The following MCUR1 variants were observed in gnomAD, a reference collection of about 807,000 sequenced individuals.
MCUR1 encodes MCU regulator 1.
Under a neutral mutation model 42.0 loss-of-function variants are expected in MCUR1, and 37 were observed. The observed-to-expected ratio is 0.88, with a 90% CI of 0.68 to 1.16. The LOEUF is 1.16. MCUR1 is among the 50% of genes most tolerant of loss of function. MCUR1 has a pLI of 0.00. For missense variants in MCUR1, 469 were observed against 468.4 expected (o/e 1.00, Z -0.01); for synonymous variants, 229 against 196.2 (o/e 1.17, Z -1.40).
chr6:13,812,736 C>G (rs900691878), intron 1 of MCUR1, among the ~76,000 whole-genome samples: 1 of 152,134 alleles, frequency 6.6e-6, no homozygotes, highest in African/African-American at 2.4e-5. Context: ...GTGGGCCTAT[C>G]TGTTGAAGAA....
At chr6:13,803,793 T>C in intron 2 of MCUR1, 1 of 985,436 alleles carries the variant, frequency 1.0e-6, no homozygotes, top group Non-Finnish European at 1.2e-6. Context: ...TTCCTAGTTT[T>C]TAAAAACTCA....
At position 13,789,648 on chromosome 6, in the gene MCUR1, A is replaced by G. The variant is rs1002917809; in HGVS notation, c.*1161T>C. 1.3e-5 allele frequency: 2 copies of G among 152,238 alleles called. No individual in the cohort carries two copies. The highest frequency in any genetic ancestry group is 2.9e-5 in the Non-Finnish European group (2 of 68,054). The allele number at this position is 152,238 out of a possible 1,614,324, so 9.4% of individuals were successfully genotyped here. ...TATCCATCATCTAGGTATCTTATAC[A>G]TGGAGAGCTGACTGCATCCCTTGTA... On this transcript the variant is annotated 3_prime_UTR_variant, in exon 9 of 9. Transcript: ENST00000379170.
intron 1 of MCUR1, among the ~76,000 whole-genome samples, chr6:13,812,668 T>TA (rs1378179979): frequency 1.3e-5 from 2 of 152,216 alleles, no homozygotes; most frequent in African/African-American, 4.8e-5. Context: ...ATTGCTCTAC[T>TA]AATCAGTTTT....
At chr6:13,799,079 G>C (rs1217507572) in intron 5 of MCUR1, among the ~76,000 whole-genome samples, 175 bp from the exon 6 acceptor site, 1 of 152,164 alleles carries the variant, frequency 6.6e-6, no homozygotes, top group Non-Finnish European at 1.5e-5. Flanking sequence ...TGGCATCAGG[G>C]AACTCTGGCC....
chr6:13,799,479 G>A (rs919365678), intron 5 of MCUR1, among the ~76,000 whole-genome samples: 3 of 152,110 alleles, frequency 2.0e-5, no homozygotes, highest in African/African-American at 7.2e-5. Flanking sequence ...CATCGCGCCC[G>A]GCCTGTTGCT....
intron 6 of MCUR1, among the ~76,000 whole-genome samples, chr6:13,794,191 A>C (rs1759803232): frequency 6.6e-6 from 1 of 151,692 alleles, no homozygotes; most frequent in South Asian, 2.1e-4. Flanking sequence ...GAGCTCGAGC[A>C]ATCTGCCCAC....
intron 5 of MCUR1, among the ~76,000 whole-genome samples, chr6:13,800,123 G>A (rs1214729985): frequency 1.3e-5 from 2 of 152,020 alleles, no homozygotes; most frequent in Non-Finnish European, 2.9e-5. Context: ...GAGCCACCAT[G>A]CCTGGCCACA....
chr6:13,811,617 C>T (rs1039617561), intron 1 of MCUR1, among the ~76,000 whole-genome samples: 1 of 152,108 alleles, frequency 6.6e-6, no homozygotes, highest in Non-Finnish European at 1.5e-5. Flanking sequence ...CTCCAGGGGA[C>T]CTCCTAAGGA....
intron 6 of MCUR1, among the ~76,000 whole-genome samples, chr6:13,795,431 G>GT (rs1466489182): frequency 6.6e-6 from 1 of 152,152 alleles, no homozygotes; most frequent in Non-Finnish European, 1.5e-5. Context: ...TGCCCCAGAA[G>GT]TTTATATGCC....
chr6:13,805,293 T>C (rs1163018452), intron 2 of MCUR1, among the ~76,000 whole-genome samples: 2 of 152,076 alleles, frequency 1.3e-5, no homozygotes, highest in African/African-American at 2.4e-5. Context: ...CGCCTGGCCT[T>C]ATCAGCATAA....
intron 5 of MCUR1, among the ~76,000 whole-genome samples, chr6:13,799,169 G>C (rs915712964): frequency 1.3e-5 from 2 of 151,894 alleles, no homozygotes; most frequent in African/African-American, 2.4e-5. Context: ...TGCCAGTCTA[G>C]AGTGGGTTGT....
Position 13,789,628 on chromosome 6 carries a change from A to C in MCUR1, c.*1181T>G, listed in dbSNP as rs1347126395. On this transcript the variant is annotated 3_prime_UTR_variant, in exon 9 of 9. Coordinates refer to ENST00000379170, the MANE Select transcript of MCUR1 (RefSeq NM_001031713.4). ...AATTTCATTTATGAAATATGTATCC[A>C]TCATCTAGGTATCTTATACATGGAG... 6.6e-6 allele frequency: 1 copy of C among 152,226 alleles called. No homozygotes were observed. The highest frequency in any genetic ancestry group is 6.6e-5 in the Admixed American group (1 of 15,262). The allele number at this position is 152,226 out of a possible 1,614,324, so 9.4% of individuals were successfully genotyped here.
intron 1 of MCUR1, among the ~76,000 whole-genome samples, chr6:13,812,315 G>A (rs1276966694): frequency 3.3e-5 from 5 of 151,532 alleles, no homozygotes; most frequent in East Asian, 3.9e-4. Context: ...CTGGTTAATG[G>A]GCATACATGC....
intron 1 of MCUR1, 73 bp from the exon 2 acceptor site, chr6:13,807,117 T>C: frequency 6.7e-7 from 1 of 1,499,102 alleles, no homozygotes; most frequent in Non-Finnish European, 9.0e-7. Context: ...CCAGAGAAAA[T>C]AAGGCATACC....
intron 1 of MCUR1, 56 bp downstream of exon 1, chr6:13,813,958 GC>G: frequency 8.2e-7 from 1 of 1,222,618 alleles, no homozygotes; most frequent in East Asian, 3.2e-5. Flanking sequence ...TGAGATCCCC[GC>G]CCCGCCGTCC....
In MCUR1 at chr6:13,787,539, A is replaced by AAT. The variant is rs1759629665; in HGVS notation, c.*3269_*3270insAT. The AAT allele has an allele frequency of 6.6e-6, 1 of 152,268 alleles. No homozygotes were observed. 9.4% of individuals were successfully genotyped at this position (152,268 alleles called of 1,614,324 possible). ...GGAAATCGGAGTTCAGACTCTTTAG[A>AAT]AAAGACAAAAGGCAGGGGAGGGGAG... On this transcript the variant is annotated 3_prime_UTR_variant, in exon 9 of 9. Coordinates refer to ENST00000379170, the MANE Select transcript of MCUR1 (RefSeq NM_001031713.4).
intron 2 of MCUR1, among the ~76,000 whole-genome samples, chr6:13,802,561 G>C (rs956626362): frequency 1.3e-5 from 2 of 152,108 alleles, no homozygotes; most frequent in Non-Finnish European, 2.9e-5. Context: ...CGGTGGCTTT[G>C]CTGACTGATC....
chr6:13,799,574 T>C (rs1349692716), intron 5 of MCUR1, among the ~76,000 whole-genome samples: 7 of 152,302 alleles, frequency 4.6e-5, no homozygotes, highest in Non-Finnish European at 2.9e-5. Context: ...AAAGCAAAGA[T>C]GGACTCAAAG....
In MCUR1 at chr6:13,788,221, T is replaced by G. The variant is rs1289713998; in HGVS notation, c.*2588A>C. 6.6e-6 allele frequency: 1 copy of G among 152,132 alleles called. No individual in the cohort carries two copies. Among genetic ancestry groups the G allele is most frequent in the African/African-American group, 2.4e-5 (1 of 41,410 alleles). 9.4% of individuals were successfully genotyped at this position (152,132 alleles called of 1,614,324 possible). ...ATATTACGTCTAGTCGGCTCACGGG[T>G]GCTTGAGCCAGAAGTGGGAAGGGTA... On this transcript the variant is annotated 3_prime_UTR_variant, in exon 9 of 9. Transcript: ENST00000379170.
Sources: gnomAD v4.1 joint callset for allele counts (sites outside exome capture counted in the v4.1 genomes callset) on GRCh38, gnomAD v4.1.1 for gene constraint, MANE v1.5 for transcripts, NCBI Gene and HGNC (gene_info 2026-07-23, HGNC 2026-07-21) for gene names.